The following GALNT2 variants were observed in gnomAD, a reference collection of about 807,000 sequenced individuals.
GALNT2 encodes UDP-GalNAc:polypeptide N-acetylgalactosaminyltransferase 2.
In GALNT2, 31 loss-of-function variants were observed where a neutral mutation model predicts 81.4. The observed-to-expected ratio is 0.38, with a 90% CI of 0.29 to 0.51. GALNT2 has a LOEUF of 0.51. Ranked by LOEUF, GALNT2 falls within the 20% of genes least tolerant of loss-of-function variation. GALNT2 has a pLI of 0.87. For missense variants in GALNT2, 629 were observed against 765.7 expected (o/e 0.82, Z 2.11); for synonymous variants, 303 against 287.4 (o/e 1.05, Z -0.55).
intron 1 of GALNT2, among the ~76,000 whole-genome samples, chr1:230,114,987 G>C (rs181828688): frequency 1.4e-5 from 2 of 145,618 alleles, no homozygotes; most frequent in Admixed American, 1.4e-4. Context: ...CAAGTCCACA[G>C]CTTACATTAG....
At chr1:230,169,158 T>TCC (rs1662708903) in intron 1 of GALNT2, among the ~76,000 whole-genome samples, 1 of 152,124 alleles carries the variant, frequency 6.6e-6, no homozygotes, top group Admixed American at 6.5e-5. Context: ...AATGAGTTAA[T>TCC]TATGGAGAGA....
intron 10 of GALNT2, among the ~76,000 whole-genome samples, chr1:230,252,316 G>T (rs935109117): frequency 6.6e-6 from 1 of 152,154 alleles, no homozygotes; most frequent in Non-Finnish European, 1.5e-5. Flanking sequence ...CGTGTGCCCC[G>T]CTGGAATGAC....
chr1:230,246,019 G>C (rs747378080), intron 7 of GALNT2, 44 bp from the exon 8 acceptor site: 3 of 1,551,690 alleles, frequency 1.9e-6, no homozygotes, highest in Non-Finnish European at 2.7e-6. Flanking sequence ...CAGGTTTTTT[G>C]TTTTGCTGGG....
intron 1 of GALNT2, among the ~76,000 whole-genome samples, chr1:230,104,804 C>T (rs1386826424): frequency 6.6e-6 from 1 of 152,324 alleles, no homozygotes; most frequent in Non-Finnish European, 1.5e-5. Flanking sequence ...CATTACTGGT[C>T]TTTGCAGGAA....
chr1:230,180,963 G>A (rs888384704), intron 2 of GALNT2, among the ~76,000 whole-genome samples: 23 of 152,066 alleles, frequency 1.5e-4, no homozygotes, highest in African/African-American at 5.6e-4. Context: ...CTCACATCTT[G>A]TAACCTTGCT....
At chr1:230,126,109 C>T (rs565996672) in intron 1 of GALNT2, among the ~76,000 whole-genome samples, 27 of 152,344 alleles carry the variant, frequency 1.8e-4, no homozygotes, top group South Asian at 1.0e-3. Context: ...CCCTGAGCCA[C>T]ACTTGAAGAA....
At chr1:230,093,961 T>G (rs1232955269) in intron 1 of GALNT2, among the ~76,000 whole-genome samples, 2 of 151,958 alleles carry the variant, frequency 1.3e-5, no homozygotes, top group Non-Finnish European at 2.9e-5. Context: ...AAGCCTTAGC[T>G]TCATCCCTTC....
intron 1 of GALNT2, among the ~76,000 whole-genome samples, chr1:230,168,229 G>A (rs1662676750): frequency 1.3e-5 from 2 of 152,200 alleles, no homozygotes; most frequent in Non-Finnish European, 2.9e-5. Context: ...ATCTCTTAAA[G>A]GACCTGCTGT....
chr1:230,187,400 A>G (rs1017503580), intron 2 of GALNT2, among the ~76,000 whole-genome samples: 1 of 152,146 alleles, frequency 6.6e-6, no homozygotes, highest in Non-Finnish European at 1.5e-5. Flanking sequence ...TCAGCCCCTC[A>G]TGGGAGGAGC....
chr1:230,183,248 G>A (rs1413845080), intron 2 of GALNT2, among the ~76,000 whole-genome samples: 4 of 152,090 alleles, frequency 2.6e-5, no homozygotes, highest in Non-Finnish European at 5.9e-5. Flanking sequence ...TTTCTTTGGT[G>A]TATTTAGACC....
rs137927324 is a variant in GALNT2 at position 230,271,687 on chromosome 1, CTG to C, written c.1441-2757_1441-2756del. Among the ~76,000 whole-genome samples the C allele has an allele frequency of 0.02, 3,026 of 152,356 alleles. 98 individuals carry two copies. The highest frequency in any genetic ancestry group is 0.069 in the African/African-American group (2,851 of 41,572). Reference sequence around the variant, plus strand: ...TGGCTTACCTGTTCATTAGGAAAGACTGAAACCCAGGAGCAGCTGGACGGGAG... The same window carrying C: ...TGGCTTACCTGTTCATTAGGAAAGACAAACCCAGGAGCAGCTGGACGGGAG... On this transcript the variant is annotated intron_variant, in intron 14 of 15. Transcript: ENST00000366672. This position sits in a 1 kb window ranked among gnomAD's most constrained non-coding sequence, Gnocchi z 4.2.
intron 9 of GALNT2, 36 bp from the exon 10 acceptor site, chr1:230,250,421 T>A (rs746570925): frequency 2.6e-6 from 4 of 1,551,968 alleles, no homozygotes; most frequent in Non-Finnish European, 3.6e-6. Flanking sequence ...GACTTTGCCC[T>A]CTCCTCCCTC....
intron 1 of GALNT2, among the ~76,000 whole-genome samples, chr1:230,098,259 TTCTCTTTTCTC>T (rs944907748): frequency 2.1e-4 from 32 of 152,132 alleles, no homozygotes; most frequent in Admixed American, 6.5e-5. Flanking sequence ...AGGAGTGACT[TTCTCTTTTCTC>T]TCTCTTTTCT....
intron 15 of GALNT2, among the ~76,000 whole-genome samples, chr1:230,276,202 A>T (rs1666305257): frequency 6.6e-6 from 1 of 152,072 alleles, no homozygotes; most frequent in African/African-American, 2.4e-5. Flanking sequence ...TTCTTTAAAC[A>T]TTTCAGAATA....
Position 230,279,963 on chromosome 1 carries a change from C to T in GALNT2, c.*505C>T, listed in dbSNP as rs1248759743. 2.2e-6 allele frequency: 1 copy of T among 456,166 alleles called. No homozygotes were observed. Among genetic ancestry groups the T allele is most frequent in the African/African-American group, 2.0e-5 (1 of 50,082 alleles). 28.3% of individuals were successfully genotyped at this position (456,166 alleles called of 1,614,324 possible). ...TTTACGTCAATAGTCCCTCTCTCTG[C>T]TCCTCCATTCGCAAGTGTCTTCCTG... is the stretch of plus-strand genomic sequence containing the variant. On this transcript the variant is annotated 3_prime_UTR_variant, in exon 16 of 16. Transcript: ENST00000366672. This position sits in a 1 kb window ranked among gnomAD's most constrained non-coding sequence, Gnocchi z 4.6.
At chr1:230,229,585 T>G (rs949684865) in intron 3 of GALNT2, among the ~76,000 whole-genome samples, 5 of 152,192 alleles carry the variant, frequency 3.3e-5, no homozygotes, top group African/African-American at 9.7e-5. Context: ...GGGTAAATAA[T>G]GCAGAGAAAC....
intron 1 of GALNT2, among the ~76,000 whole-genome samples, chr1:230,140,305 C>G (rs1661689744): frequency 6.6e-6 from 1 of 152,178 alleles, no homozygotes. Context: ...GTAGTGTGTA[C>G]ACAGACAGTA....
chr1:230,166,360 T>G (rs1325754701), intron 1 of GALNT2, among the ~76,000 whole-genome samples: 1 of 152,244 alleles, frequency 6.6e-6, no homozygotes, highest in East Asian at 1.9e-4. Context: ...TTTTCTTGGG[T>G]GCAGATAGCA....
chr1:230,188,065 C>G (rs775026589), intron 2 of GALNT2, among the ~76,000 whole-genome samples: 1 of 152,124 alleles, frequency 6.6e-6, no homozygotes, highest in Non-Finnish European at 1.5e-5. Flanking sequence ...TGCTAGGGAC[C>G]ACTCTCTCCT....
Sources: allele counts gnomAD v4.1 joint callset (sites outside exome capture counted in the v4.1 genomes callset), GRCh38; gene constraint gnomAD v4.1.1; non-coding constraint Gnocchi (gnomAD v3.1); transcripts MANE v1.5; gene names NCBI Gene and HGNC (gene_info 2026-07-23, HGNC 2026-07-21).